The following TCF7L1 variants were observed in gnomAD, a reference collection of about 807,000 sequenced individuals.
TCF7L1 encodes the protein transcription factor 7-like 1.
Under a neutral mutation model 63.7 loss-of-function variants are expected in TCF7L1, and 18 were observed. The ratio of observed to expected loss-of-function variants is 0.28; its 90% CI spans 0.20 to 0.42. TCF7L1 has a LOEUF of 0.42. Ranked by LOEUF, TCF7L1 falls within the 10% of genes least tolerant of loss-of-function variation. TCF7L1 has a pLI of 1.00. For synonymous variants in TCF7L1, 355 were observed against 340.9 expected (o/e 1.04, Z -0.46); for missense variants, 654 against 779.3 (o/e 0.84, Z 1.91).
At chr2:85,176,250 G>T (rs888446436) in intron 3 of TCF7L1, among the ~76,000 whole-genome samples, 1 of 152,210 alleles carries the variant, frequency 6.6e-6, no homozygotes, top group Non-Finnish European at 1.5e-5. Context: ...CTGAGTTTGA[G>T]GCTTCAGTCC....
intron 3 of TCF7L1, among the ~76,000 whole-genome samples, chr2:85,221,516 C>T (rs980901715): frequency 6.6e-6 from 1 of 152,190 alleles, no homozygotes; most frequent in African/African-American, 2.4e-5. Flanking sequence ...TGCTCAGCAT[C>T]TGGTGCAGGC....
chr2:85,156,742 A>G (rs1678155809), intron 3 of TCF7L1, among the ~76,000 whole-genome samples: 1 of 152,206 alleles, frequency 6.6e-6, no homozygotes, highest in African/African-American at 2.4e-5. Context: ...CACTGTATCA[A>G]AGTTCGCATC....
chr2:85,197,223 C>T (rs528656073), intron 3 of TCF7L1, among the ~76,000 whole-genome samples: 1 of 152,244 alleles, frequency 6.6e-6, no homozygotes, highest in East Asian at 1.9e-4. Context: ...CCAGCCTGGC[C>T]GACACGGTGA....
intron 3 of TCF7L1, among the ~76,000 whole-genome samples, chr2:85,152,929 T>C (rs10520406): frequency 0.074 from 11,208 of 152,264 alleles, 621 homozygotes; most frequent in African/African-American, 0.15. Flanking sequence ...GAGATAAGGG[T>C]CACAAGGAGA....
intron 4 of TCF7L1, 113 bp downstream of exon 4, chr2:85,283,691 A>C: frequency 1.1e-5 from 13 of 1,144,568 alleles, no homozygotes; most frequent in Admixed American, 3.4e-5. Context: ...GTTTCCTCAA[A>C]TGTGTGAGTA....
chr2:85,280,379 C>T (rs1000104653), intron 3 of TCF7L1, among the ~76,000 whole-genome samples: 4 of 152,124 alleles, frequency 2.6e-5, no homozygotes, highest in South Asian at 2.1e-4. Context: ...TCCTACAAGC[C>T]GACTCTGCCA....
intron 3 of TCF7L1, among the ~76,000 whole-genome samples, chr2:85,238,794 TTTA>T (rs1680254207): frequency 8.8e-6 from 1 of 113,952 alleles, no homozygotes; most frequent in African/African-American, 4.9e-5. Context: ...TATTTATTTA[TTTA>T]TTTATTTATT....
At chr2:85,200,896 G>A (rs1446088903) in intron 3 of TCF7L1, among the ~76,000 whole-genome samples, 1 of 152,036 alleles carries the variant, frequency 6.6e-6, no homozygotes, top group Non-Finnish European at 1.5e-5. Flanking sequence ...AACAGGAGGT[G>A]GCTGTGAAAT....
intron 3 of TCF7L1, among the ~76,000 whole-genome samples, chr2:85,179,979 A>G (rs1309321115): frequency 6.6e-6 from 1 of 152,086 alleles, no homozygotes; most frequent in Non-Finnish European, 1.5e-5. Flanking sequence ...TTAAATTTTA[A>G]TAATTGTTAA....
intron 3 of TCF7L1, among the ~76,000 whole-genome samples, chr2:85,158,206 A>G (rs909299892): frequency 1.3e-5 from 2 of 152,336 alleles, no homozygotes; most frequent in Admixed American, 6.5e-5. Context: ...AGTCTAGTCC[A>G]GGACTCCTGC....
chr2:85,134,663 G>T lies in TCF7L1; in HGVS notation c.441+213G>T, dbSNP rs1024770074. 6.6e-6 allele frequency among the ~76,000 whole-genome samples: 1 copy of T among 152,242 alleles called. No homozygotes were observed. Reference sequence around the variant, plus strand: ...AAGTTACTTTAACTTTTCCCCTCTTGCGGGTTGAGGTTTTGGAGTCCACCT... The same window carrying T: ...AAGTTACTTTAACTTTTCCCCTCTTTCGGGTTGAGGTTTTGGAGTCCACCT... On this transcript the variant is annotated intron_variant, in intron 3 of 11. Coordinates refer to ENST00000282111, the MANE Select transcript of TCF7L1 (RefSeq NM_031283.3). The surrounding 1 kb of genome is among the most constrained non-coding windows in gnomAD (Gnocchi z 5.0).
At position 85,306,406 on chromosome 2, in the gene TCF7L1, C is replaced by G. The variant is rs754776779; in HGVS notation, c.1149+41C>G. ...TCCCTCCAGGCCAGGGAGGCAGCGTCCCTGCATTGATGGCTCCGTGTGGTC... is the reference window on the plus strand; with the variant it reads ...TCCCTCCAGGCCAGGGAGGCAGCGTGCCTGCATTGATGGCTCCGTGTGGTC... On this transcript the variant is annotated intron_variant, in intron 9 of 11. Transcript: ENST00000282111. The surrounding 1 kb of genome is among the most constrained non-coding windows in gnomAD (Gnocchi z 4.3). The G allele has an allele frequency of 6.2e-7, 1 of 1,613,610 alleles. No homozygotes were observed. Among genetic ancestry groups the G allele is most frequent in the Non-Finnish European group, 8.5e-7 (1 of 1,179,518 alleles).
Position 85,133,760 on chromosome 2 carries a change from G to T in TCF7L1, c.76G>T (p.Ala26Ser). The change falls in exon 1 of 12, where the codon GCC (alanine) becomes TCC (serine). Residue 26 changes from alanine (A) to serine (S), a missense_variant. By Grantham distance (99) the Ala-to-Ser change is moderately conservative (BLOSUM62 1). This residue lies in a region of TCF7L1 where 404 missense variants were observed against 454.8 expected (regional missense o/e 0.89). Coordinates refer to ENST00000282111, the MANE Select transcript of TCF7L1 (RefSeq NM_031283.3). The surrounding 1 kb of genome is among the most constrained non-coding windows in gnomAD (Gnocchi z 4.4). ...GGGGGSSAGA[A>S]GGGDDLGAND... Reference sequence around the variant, plus strand: ...AGGCGGCGGCTCCAGCGCCGGGGCGGCCGGCGGAGGGGACGACCTCGGGGC... The same window carrying T: ...AGGCGGCGGCTCCAGCGCCGGGGCGTCCGGCGGAGGGGACGACCTCGGGGC... 18 of 1,241,684 alleles carry T rather than the reference G, an allele frequency of 1.4e-5. No individual in the cohort carries two copies. The highest frequency in any genetic ancestry group is 1.8e-5 in the Non-Finnish European group (18 of 992,060). The allele number at this position is 1,241,684 out of a possible 1,614,324, so 76.9% of individuals were successfully genotyped here.
intron 3 of TCF7L1, among the ~76,000 whole-genome samples, chr2:85,235,427 G>C (rs547834234): frequency 6.6e-6 from 1 of 151,500 alleles, no homozygotes; most frequent in African/African-American, 2.4e-5. Flanking sequence ...CCACCCTCTG[G>C]GGATGCTGGG....
At chr2:85,162,192 G>A (rs1190817872) in intron 3 of TCF7L1, among the ~76,000 whole-genome samples, 3 of 152,028 alleles carry the variant, frequency 2.0e-5, no homozygotes, top group Non-Finnish European at 2.9e-5. Flanking sequence ...GTATGATTAC[G>A]CCACTGCACC....
intron 3 of TCF7L1, among the ~76,000 whole-genome samples, chr2:85,155,210 G>T (rs1186276580): frequency 6.6e-6 from 1 of 152,206 alleles, no homozygotes; most frequent in South Asian, 2.1e-4. Flanking sequence ...TCTGTCTTAC[G>T]AGAGGTTTGT....
At position 85,207,975 on chromosome 2, in the gene TCF7L1, C is replaced by T. The variant is rs112380805; in HGVS notation, c.441+73525C>T. Among the ~76,000 whole-genome samples, 12 of 152,054 alleles carry T rather than the reference C, an allele frequency of 7.9e-5. 1 individual carries two copies. Among genetic ancestry groups the T allele is most frequent in the Non-Finnish European group, 1.6e-4 (11 of 68,028 alleles). ...AGGCTGGAGTTCAGTGGCGCCATCT[C>T]GGCCCACTGCAAGCTCTGCCTCCCG... On this transcript the variant is annotated intron_variant, in intron 3 of 11. Coordinates refer to ENST00000282111, the MANE Select transcript of TCF7L1 (RefSeq NM_031283.3).
chr2:85,304,037 T>C (rs1353681976), intron 6 of TCF7L1, 40 bp downstream of exon 6: 5 of 1,494,698 alleles, frequency 3.3e-6, no homozygotes, highest in Admixed American at 1.7e-5. Context: ...GCTCCCTCCT[T>C]GCGCTGAGCT....
intron 4 of TCF7L1, among the ~76,000 whole-genome samples, chr2:85,298,151 C>T (rs1310039943): frequency 7.8e-6 from 1 of 128,542 alleles, no homozygotes; most frequent in African/African-American, 3.2e-5. Context: ...GAGATCATGC[C>T]ACTGCACTCC....
Sources: gnomAD v4.1 joint callset for allele counts (sites outside exome capture counted in the v4.1 genomes callset) on GRCh38, gnomAD v4.1.1 for gene constraint, gnomAD v4.1.1 regional missense constraint, Gnocchi (gnomAD v3.1) non-coding constraint, MANE v1.5 for transcripts, NCBI Gene and HGNC (gene_info 2026-07-23, HGNC 2026-07-21) for gene names.